RYR1: variants seen among roughly 807,000 people sequenced by gnomAD.
RYR1 encodes the protein ryanodine receptor 1, also known as central core disease of muscle.
In RYR1, 342 loss-of-function variants were observed where a neutral mutation model predicts 583.5. The ratio of observed to expected loss-of-function variants is 0.59; its 90% CI spans 0.54 to 0.64. The LOEUF is 0.64. Among genes scored for constraint, RYR1 ranks in the 30% least tolerant of loss-of-function variants. The pLI, the probability that RYR1 is intolerant of heterozygous loss-of-function variation, is 0.00. For missense variants in RYR1, 6,032 were observed against 6,917.2 expected (o/e 0.87, Z 4.54); for synonymous variants, 2,791 against 2,822.5 (o/e 0.99, Z 0.35).
chr19:38,518,569 G>C (rs950761180), intron 66 of RYR1, among the ~76,000 whole-genome samples: 1 of 152,046 alleles, frequency 6.6e-6, no homozygotes, highest in South Asian at 2.1e-4. Flanking sequence ...CACATAGTGA[G>C]GTAAGACTCT....
chr19:38,575,053 A>C (rs961843029), intron 96 of RYR1, among the ~76,000 whole-genome samples: 10 of 151,944 alleles, frequency 6.6e-5, no homozygotes, highest in East Asian at 3.9e-4. Flanking sequence ...AAAAAAAAAA[A>C]AAAACTCGTT....
At chr19:38,478,638 GT>G (rs1366243838) in intron 31 of RYR1, 38 bp downstream of exon 31, 1 of 1,601,890 alleles carries the variant, frequency 6.2e-7, no homozygotes, top group Non-Finnish European at 8.5e-7. Context: ...AGAGCATCAT[GT>G]CCCAGCATCC....
intron 64 of RYR1, 105 bp downstream of exon 64, chr19:38,515,212 T>C: frequency 7.6e-6 from 7 of 916,688 alleles, no homozygotes; most frequent in South Asian, 2.8e-5. Flanking sequence ...ATGTTAAGAA[T>C]TTTCCCGCAC....
intron 87 of RYR1, 64 bp from the exon 88 acceptor site, chr19:38,546,381 G>A (rs1972424915): frequency 7.0e-7 from 1 of 1,421,602 alleles, no homozygotes; most frequent in African/African-American, 1.4e-5. Context: ...TGAGGAGGGG[G>A]AGAAGCAACA....
intron 29 of RYR1, among the ~76,000 whole-genome samples, chr19:38,476,537 T>C (rs931693225): frequency 1.3e-5 from 2 of 152,148 alleles, no homozygotes; most frequent in Admixed American, 1.3e-4. Flanking sequence ...TTCACCATGT[T>C]GGCCAGGTTG....
intron 27 of RYR1, among the ~76,000 whole-genome samples, chr19:38,470,000 G>A (rs202232529): frequency 3.3e-5 from 5 of 151,912 alleles, no homozygotes; most frequent in Non-Finnish European, 5.9e-5. Flanking sequence ...ATTCCAAGAG[G>A]TCAAGACTGC....
intron 17 of RYR1, 107 bp downstream of exon 17, chr19:38,457,737 G>T: frequency 8.3e-7 from 1 of 1,207,066 alleles, no homozygotes; most frequent in South Asian, 1.2e-5. Context: ...TCCCACCCCA[G>T]GGTTAACAAC....
At chr19:38,581,859 C>T (rs1033643168) in intron 101 of RYR1, among the ~76,000 whole-genome samples, 9 of 151,726 alleles carry the variant, frequency 5.9e-5, no homozygotes, top group Non-Finnish European at 1.2e-4. Flanking sequence ...CCACCCACCT[C>T]GGCCTCCCAA....
chr19:38,504,474 C>G, intron 50 of RYR1, 114 bp downstream of exon 50: 6 of 1,367,436 alleles, frequency 4.4e-6, no homozygotes, highest in Non-Finnish European at 6.0e-6. Context: ...GAAGGTTCTG[C>G]AAGTTTGGAT....
chr19:38,486,412 C>T (rs1418015166), intron 34 of RYR1, among the ~76,000 whole-genome samples: 1 of 152,154 alleles, frequency 6.6e-6, no homozygotes, highest in Non-Finnish European at 1.5e-5. Context: ...GGCGCAATCT[C>T]AGCTCACTGC....
At chr19:38,502,833 G>A (rs745905053) in intron 48 of RYR1, 47 bp from the exon 49 acceptor site, 2 of 1,579,944 alleles carry the variant, frequency 1.3e-6, no homozygotes, top group Non-Finnish European at 1.7e-6. Flanking sequence ...AGGGGCAGCA[G>A]AGCGGGCCTG....
At position 38,496,495 on chromosome 19, in the gene RYR1, G is replaced by A. The variant is rs1969833877; in HGVS notation, c.6750G>A (p.Met2250Ile). 1 of 1,613,560 alleles carries A rather than the reference G, an allele frequency of 6.2e-7. No individual in the cohort carries two copies. Among genetic ancestry groups the A allele is most frequent in the Admixed American group, 1.7e-5 (1 of 60,010 alleles). ...CRISRQNQRS[M>I]FDHLSYLLEN... The stretch of plus-strand genomic sequence containing the variant: ...TCAGCCGGCAGAACCAGCGCTCCAT[G>A]TTTGACCACCTGAGCTACCTGCTGG... The change falls in exon 41 of 106, where the codon ATG (methionine) becomes ATA (isoleucine). Residue 2250 changes from methionine (M) to isoleucine (I), a missense_variant. Physicochemically the swap from Met to Ile is conservative, Grantham distance 10. Coordinates refer to ENST00000359596, the MANE Select transcript of RYR1 (RefSeq NM_000540.3). The surrounding 1 kb of genome is among the most constrained non-coding windows in gnomAD (Gnocchi z 4.8).
chr19:38,539,231 A>ATT (rs1972100604), intron 84 of RYR1, among the ~76,000 whole-genome samples: 1 of 138,024 alleles, frequency 7.2e-6, no homozygotes. Context: ...TGGGACTAAG[A>ATT]TTTTTTCTTT....
At chr19:38,454,835 T>C (rs1967278641) in intron 13 of RYR1, among the ~76,000 whole-genome samples, 1 of 150,470 alleles carries the variant, frequency 6.6e-6, no homozygotes, top group African/African-American at 2.4e-5. Flanking sequence ...ATCTTTCTGA[T>C]GGTTGGTGTG....
At chr19:38,463,089 T>A (rs1967852912) in intron 20 of RYR1, among the ~76,000 whole-genome samples, 2 of 144,926 alleles carry the variant, frequency 1.4e-5, no homozygotes, top group Non-Finnish European at 3.0e-5. Flanking sequence ...GAAGAGAAGG[T>A]GTTTCACCGT....
chr19:38,519,612 A>G (rs1285526124), intron 67 of RYR1, among the ~76,000 whole-genome samples, 158 bp downstream of exon 67: 7 of 151,956 alleles, frequency 4.6e-5, no homozygotes, highest in African/African-American at 1.7e-4. Flanking sequence ...GGCTTTGAGC[A>G]CATTGGTCCA....
intron 65 of RYR1, among the ~76,000 whole-genome samples, chr19:38,516,873 G>A (rs918998876): frequency 1.3e-5 from 2 of 152,114 alleles, no homozygotes; most frequent in Admixed American, 1.3e-4. Flanking sequence ...GGAAATATAC[G>A]CTCCAAGGCA....
In RYR1 at chr19:38,502,702, G is replaced by A. The variant is rs780383832; in HGVS notation, c.7810G>A (p.Glu2604Lys). The change falls in exon 48 of 106, where the codon GAG becomes AAG. Residue 2604 changes from glutamate to lysine, a missense_variant. Transcript: ENST00000359596. The stretch of plus-strand genomic sequence containing the variant: ...CACCAAGGCGCAGCGTGACGTCATC[G>A]AGGACTGCCTCATGTCGCTCTGCAG... ...SLTKAQRDVI[E>K]DCLMSLCRYI... 3.7e-6 allele frequency: 6 copies of A among 1,604,254 alleles called. No homozygotes were observed. In the East Asian group the frequency reaches 6.7e-5, roughly 18 times the overall value.
intron 76 of RYR1, 85 bp downstream of exon 76, chr19:38,529,142 A>T (rs1971619421): frequency 1.5e-6 from 2 of 1,343,008 alleles, no homozygotes; most frequent in African/African-American, 1.4e-5. Flanking sequence ...GCCTCAGGAG[A>T]GGCCCTCCAG....
Sources: gnomAD v4.1 joint callset for allele counts (sites outside exome capture counted in the v4.1 genomes callset) on GRCh38, gnomAD v4.1.1 for gene constraint, Gnocchi (gnomAD v3.1) non-coding constraint, MANE v1.5 for transcripts, NCBI Gene and HGNC (gene_info 2026-07-23, HGNC 2026-07-21) for gene names.